Variants in CDS1 observed in about 807,000 individuals in gnomAD.
CDS1 encodes CDP-diacylglycerol synthase 1.
In CDS1, 41 loss-of-function variants were observed where a neutral mutation model predicts 62.1. The observed-to-expected ratio is 0.66, with a 90% CI of 0.51 to 0.86. The LOEUF is 0.86. Ranked by LOEUF, CDS1 falls within the 40% of genes least tolerant of loss-of-function variation. CDS1 has a pLI of 0.00. For synonymous variants in CDS1, 185 were observed against 192.6 expected, an observed-to-expected ratio of 0.96 and a Z score of 0.32; for missense variants, 470 against 550.1, an observed-to-expected ratio of 0.85 and a Z score of 1.46.
chr4:84,619,673 T>C (rs1723614503), intron 5 of CDS1, 140 bp downstream of exon 5: 1 of 515,578 alleles, frequency 1.9e-6, no homozygotes, highest in Non-Finnish European at 3.2e-6. Context: ...TGTATAAAGC[T>C]ATTTCTTTCA....
Position 84,583,254 on chromosome 4 carries a change from C to T in CDS1, c.-148C>T. On this transcript the variant is annotated 5_prime_UTR_variant, in exon 1 of 13. Transcript: ENST00000295887. The stretch of plus-strand genomic sequence containing the variant: ...GGAGGTGACCGGCGCGGCGGCCGCT[C>T]TATGGTGGGGCCGCGTTAGTGGCTG... The T allele has an allele frequency of 1.7e-6, 1 of 586,402 alleles. No homozygotes were observed. Among genetic ancestry groups the T allele is most frequent in the Non-Finnish European group, 3.0e-6 (1 of 337,582 alleles). 36.3% of individuals were successfully genotyped at this position (586,402 alleles called of 1,614,324 possible).
intron 10 of CDS1, 140 bp from the exon 11 acceptor site, chr4:84,642,884 C>A (rs1724433515): frequency 3.8e-6 from 3 of 779,774 alleles, no homozygotes; most frequent in Non-Finnish European, 4.0e-6. Context: ...CTTCCTTGAT[C>A]CTTAAAGTTT....
chr4:84,641,705 A>G (rs1724389489), intron 10 of CDS1, among the ~76,000 whole-genome samples: 2 of 152,162 alleles, frequency 1.3e-5, no homozygotes, highest in South Asian at 4.2e-4. Context: ...GCCTTACACT[A>G]GAGGATGTTG....
At chr4:84,627,433 T>C (rs1239770384) in intron 5 of CDS1, among the ~76,000 whole-genome samples, 1 of 152,180 alleles carries the variant, frequency 6.6e-6, no homozygotes, top group Admixed American at 6.5e-5. Flanking sequence ...AGTCTAGATA[T>C]ATATTAAAAA....
intron 8 of CDS1, among the ~76,000 whole-genome samples, chr4:84,638,426 A>G (rs1436534835): frequency 1.3e-5 from 2 of 152,340 alleles, no homozygotes; most frequent in South Asian, 4.1e-4. Context: ...GTGTGTATAT[A>G]GCATATTAGG....
chr4:84,612,739 T>G (rs1578032135), intron 3 of CDS1, among the ~76,000 whole-genome samples: 1 of 152,222 alleles, frequency 6.6e-6, no homozygotes, highest in African/African-American at 2.4e-5. Context: ...GCCTGTAATC[T>G]CAGCACCTTG....
intron 1 of CDS1, among the ~76,000 whole-genome samples, chr4:84,595,708 CAT>C (rs1190964671): frequency 6.6e-6 from 1 of 152,128 alleles, no homozygotes; most frequent in Non-Finnish European, 1.5e-5. Flanking sequence ...GAGAACCAAT[CAT>C]TAATAAGATC....
At chr4:84,622,043 CTT>C (rs910408778) in intron 5 of CDS1, among the ~76,000 whole-genome samples, 3 of 152,082 alleles carry the variant, frequency 2.0e-5, no homozygotes, top group Non-Finnish European at 1.5e-5. Flanking sequence ...TTTGTAGAAA[CTT>C]TGAGTATTTT....
intron 1 of CDS1, among the ~76,000 whole-genome samples, chr4:84,597,820 AT>A (rs1560465580): frequency 6.6e-6 from 1 of 152,048 alleles, no homozygotes; most frequent in Non-Finnish European, 1.5e-5. Flanking sequence ...GAAGGAATCC[AT>A]GCCTGTATGA....
chr4:84,643,272 AC>A, intron 11 of CDS1, 129 bp downstream of exon 11: 2 of 776,248 alleles, frequency 2.6e-6, no homozygotes, highest in South Asian at 2.2e-5. Flanking sequence ...ATTTGTTTCG[AC>A]CCCACAGAAA....
At chr4:84,613,393 G>A (rs375148774) in intron 3 of CDS1, among the ~76,000 whole-genome samples, 1 of 152,184 alleles carries the variant, frequency 6.6e-6, no homozygotes, top group East Asian at 1.9e-4. Flanking sequence ...CAGATTGCTT[G>A]AGGTCAGAAG....
chr4:84,595,237 G>C (rs1244420963), intron 1 of CDS1, among the ~76,000 whole-genome samples: 1 of 152,032 alleles, frequency 6.6e-6, no homozygotes, highest in African/African-American at 2.4e-5. Context: ...AAAGAATTCT[G>C]GCTAAAGGTT....
In CDS1 at chr4:84,647,126, T is replaced by C. The variant is rs554519348; in HGVS notation, c.1257-1431T>C. The stretch of plus-strand genomic sequence containing the variant: ...TGTTATTTCTTTGTCTCTCCTTTTA[T>C]TTTTAACATTCCCTTTTCCTTATAT... On this transcript the variant is annotated intron_variant, in intron 12 of 12. Transcript: ENST00000295887. Among the ~76,000 whole-genome samples the C allele has an allele frequency of 3.3e-5, 5 of 152,298 alleles. No individual in the cohort carries two copies. In the South Asian group the frequency reaches 1.0e-3, roughly 32 times the overall value.
chr4:84,603,785 A>G (rs1723010108), intron 1 of CDS1, among the ~76,000 whole-genome samples: 1 of 152,252 alleles, frequency 6.6e-6, no homozygotes, highest in African/African-American at 2.4e-5. Context: ...TGAGGATCTA[A>G]TAAAAATGAT....
intron 11 of CDS1, 109 bp from the exon 12 acceptor site, chr4:84,645,113 G>GTAAT: frequency 1.4e-6 from 1 of 701,922 alleles, no homozygotes; most frequent in South Asian, 1.6e-5. Flanking sequence ...AAATCCAATA[G>GTAAT]TAATGTATTT....
intron 1 of CDS1, among the ~76,000 whole-genome samples, chr4:84,593,070 G>A (rs1243732805): frequency 6.6e-6 from 1 of 152,174 alleles, no homozygotes; most frequent in East Asian, 1.9e-4. Flanking sequence ...TTTCAAGGTT[G>A]TGCTTTTTAT....
Position 84,619,615 on chromosome 4 carries a change from A to AT in CDS1, c.580+88dup, listed in dbSNP as rs1454311897. The AT allele has an allele frequency of 2.5e-5, 21 of 853,728 alleles. No homozygotes were observed. The African/African-American group carries it at 3.4e-4, about 14-fold the overall frequency. The allele number at this position is 853,728 out of a possible 1,614,324, so 52.9% of individuals were successfully genotyped here. ...TTTATTTCTGTTATTTTAATTAGTA[A>AT]TTTTTTGGTTAAATTTTATTCCAGC... is the stretch of plus-strand genomic sequence containing the variant. On this transcript the variant is annotated intron_variant, in intron 5 of 12. Coordinates refer to ENST00000295887, the MANE Select transcript of CDS1 (RefSeq NM_001263.4).
chr4:84,641,643 CA>C (rs1027790916), intron 10 of CDS1, among the ~76,000 whole-genome samples: 2 of 152,206 alleles, frequency 1.3e-5, no homozygotes, highest in Non-Finnish European at 2.9e-5. Flanking sequence ...GCTGCTTCTA[CA>C]AATCAGTTTT....
At chr4:84,635,162 G>A (rs1560481162) in intron 7 of CDS1, 102 bp from the exon 8 acceptor site, 2 of 642,962 alleles carry the variant, frequency 3.1e-6, no homozygotes, top group East Asian at 5.3e-5. Flanking sequence ...AATCCAAAGG[G>A]TTATTCTGAT....
Sources: gnomAD v4.1 joint callset for allele counts (sites outside exome capture counted in the v4.1 genomes callset) on GRCh38, gnomAD v4.1.1 for gene constraint, MANE v1.5 for transcripts, NCBI Gene and HGNC (gene_info 2026-07-23, HGNC 2026-07-21) for gene names.